The following PFKFB2 variants were observed in gnomAD, a reference collection of about 807,000 sequenced individuals.
PFKFB2 encodes 6-phosphofructo-2-kinase/fructose-2,6-bisphosphatase 2.
A neutral mutation model predicts 68.0 loss-of-function variants in PFKFB2; 53 were observed. That is an observed-to-expected ratio of 0.78 (90% confidence interval 0.63 to 0.98). The LOEUF is 0.98. Among genes scored for constraint, PFKFB2 ranks in the 50% least tolerant of loss-of-function variants. PFKFB2 has a pLI of 0.00. For synonymous variants in PFKFB2, 222 were observed against 227.6 expected (o/e 0.98, Z 0.22); for missense variants, 451 against 642.0 (o/e 0.70, Z 3.22).
chr1:207,072,787 G>A lies in PFKFB2; in HGVS notation c.*416G>A, dbSNP rs1683506679. 1 of 997,882 alleles carries A rather than the reference G, an allele frequency of 1.0e-6. No individual in the cohort carries two copies. Among genetic ancestry groups the A allele is most frequent in the Non-Finnish European group, 1.2e-6 (1 of 838,250 alleles). The allele number at this position is 997,882 out of a possible 1,614,324, so 61.8% of individuals were successfully genotyped here. On this transcript the variant is annotated 3_prime_UTR_variant, in exon 15 of 15. Coordinates refer to ENST00000367080, the MANE Select transcript of PFKFB2 (RefSeq NM_006212.2). ...CGGGTGAGCAGTCGGGGGACAAAAA[G>A]TCTATTTTTCCTTCACTTTTGTCTC...
downstream of PFKFB2, chr1:207,078,994 C>T: frequency 6.2e-7 from 1 of 1,612,100 alleles, no homozygotes; most frequent in Non-Finnish European, 8.5e-7. Context: ...CGCCCCTCCG[C>T]AGCGTCCCTC....
chr1:207,059,128 G>A (rs1372533033), intron 2 of PFKFB2, among the ~76,000 whole-genome samples: 2 of 152,332 alleles, frequency 1.3e-5, no homozygotes, highest in South Asian at 2.1e-4. Context: ...CGAGAGGTGC[G>A]TTGCTGGAGG....
Position 207,075,607 on chromosome 1 carries a change from T to A in PFKFB2, c.*3236T>A. The A allele has an allele frequency of 2.0e-6, 2 of 985,320 alleles. No individual in the cohort carries two copies. The highest frequency in any genetic ancestry group is 2.4e-6 in the Non-Finnish European group (2 of 829,840). 61.0% of individuals were successfully genotyped at this position (985,320 alleles called of 1,614,324 possible). A position where few individuals can be genotyped will look rare whatever the true frequency, so the allele number is the denominator to read the frequency against. On this transcript the variant is annotated 3_prime_UTR_variant, in exon 15 of 15. Coordinates refer to ENST00000367080, the MANE Select transcript of PFKFB2 (RefSeq NM_006212.2). ...GCTGTAAGTTTTGTTTTGTGAGAAA[T>A]AGGTAAAGACATTAGCATTTAATCT... is the stretch of plus-strand genomic sequence containing the variant.
intron 14 of PFKFB2, 31 bp downstream of exon 14, chr1:207,071,604 T>G: frequency 6.5e-7 from 1 of 1,537,324 alleles, no homozygotes; most frequent in Non-Finnish European, 9.0e-7. Context: ...AACACACCAG[T>G]TTCCCTGCCA....
At chr1:207,035,087 G>A (rs1434453801) in intron 1 of PFKFB2, 1 of 846,182 alleles carries the variant, frequency 1.2e-6, no homozygotes, top group South Asian at 5.4e-5. Context: ...GGGGGTATGT[G>A]TGTCATTGCT....
Position 207,061,153 on chromosome 1 carries a change from T to C in PFKFB2, c.86-800T>C, listed in dbSNP as rs956199592. ...TCTTTATATATATCTTTATATATAT[T>C]TATATATATCTTTATATATATATAT... is the stretch of plus-strand genomic sequence containing the variant. On this transcript the variant is annotated intron_variant, in intron 2 of 14. Coordinates refer to ENST00000367080, the MANE Select transcript of PFKFB2 (RefSeq NM_006212.2). Among the ~76,000 whole-genome samples the C allele has an allele frequency of 7.5e-4, 59 of 79,126 alleles. 1 individual carries two copies. Among genetic ancestry groups the C allele is most frequent in the African/African-American group, 2.4e-3 (49 of 20,392 alleles). 51.9% of individuals were successfully genotyped at this position (79,126 alleles called of 152,430 possible). A position where few individuals can be genotyped will look rare whatever the true frequency, so the allele number is the denominator to read the frequency against.
At chr1:207,078,009 A>T (rs560321819), downstream of PFKFB2, among the ~76,000 whole-genome samples, 3 of 152,358 alleles carry the variant, frequency 2.0e-5, no homozygotes, top group East Asian at 5.8e-4. Flanking sequence ...TAGGAAGAAC[A>T]TTATGGAAAG....
chr1:207,054,847 A>G (rs1682874749), intron 2 of PFKFB2, 45 bp downstream of exon 2: 3 of 1,298,548 alleles, frequency 2.3e-6, no homozygotes, highest in Admixed American at 1.8e-5. Flanking sequence ...TCAGCATTTT[A>G]TCTTGGGAAT....
At chr1:207,054,155 G>C (rs1275994956) in intron 1 of PFKFB2, among the ~76,000 whole-genome samples, 1 of 152,012 alleles carries the variant, frequency 6.6e-6, no homozygotes, top group Non-Finnish European at 1.5e-5. Context: ...GCCCGCCTCA[G>C]CCTCCCCAAG....
rs1683246026 is a variant in PFKFB2, at chr1:207,065,151, A to G, written c.623A>G (p.Asn208Ser). Residue 208 changes from asparagine to serine, a missense_variant, in exon 8 of 15, where the codon AAC becomes AGC. Coordinates refer to ENST00000367080, the MANE Select transcript of PFKFB2 (RefSeq NM_006212.2). ...KVTYRPLDPDNYDKDLSFIKV... is the reference protein window; with the variant it reads ...KVTYRPLDPDSYDKDLSFIKV... ...ACCTACCGACCTCTTGACCCAGACA[A>G]CTATGACAAGTAAGGTTTAAGGCCA... is the stretch of plus-strand genomic sequence containing the variant. 1.2e-6 allele frequency: 2 copies of G among 1,613,770 alleles called. No homozygotes were observed. Among genetic ancestry groups the G allele is most frequent in the South Asian group, 1.1e-5 (1 of 91,082 alleles).
At position 207,067,528 on chromosome 1, in the gene PFKFB2, T is replaced by C; in HGVS notation, c.662T>C (p.Val221Ala). ...CTTTCTTTCATCAAGGTGATAAACG[T>C]GGGCCAGCGATTTTTAGTCAACAGA... The part of the protein sequence containing the change: ...KDLSFIKVIN[V>A]GQRFLVNRVQ... Residue 221 changes from valine to alanine, a missense_variant, in exon 9 of 15, where the codon GTG becomes GCG. Transcript: ENST00000367080. 1 of 1,614,000 alleles carries C rather than the reference T, an allele frequency of 6.2e-7. No individual in the cohort carries two copies. Among genetic ancestry groups the C allele is most frequent in the Non-Finnish European group, 8.5e-7 (1 of 1,179,924 alleles).
chr1:207,075,744 TAA>T lies in PFKFB2; in HGVS notation c.*3378_*3379del. The stretch of plus-strand genomic sequence containing the variant: ...GGGCAATATAGTGAGACCTCACCTC[TAA>T]AAAAGTTTTTTATAAATTTACTTGT... On this transcript the variant is annotated 3_prime_UTR_variant, in exon 15 of 15. Coordinates refer to ENST00000367080, the MANE Select transcript of PFKFB2 (RefSeq NM_006212.2). 1.0e-6 allele frequency: 1 copy of T among 980,836 alleles called. No individual in the cohort carries two copies. 60.8% of individuals were successfully genotyped at this position (980,836 alleles called of 1,614,324 possible).
At chr1:207,058,796 A>G (rs1683003524) in intron 2 of PFKFB2, among the ~76,000 whole-genome samples, 1 of 152,152 alleles carries the variant, frequency 6.6e-6, no homozygotes, top group Admixed American at 6.5e-5. Context: ...CCCAGCCTCA[A>G]GTCTTCATTT....
At position 207,070,428 on chromosome 1, in the gene PFKFB2, C is replaced by G; in HGVS notation, c.1222+19C>G. 1 of 1,611,752 alleles carries G rather than the reference C, an allele frequency of 6.2e-7. No homozygotes were observed. The highest frequency in any genetic ancestry group is 8.5e-7 in the Non-Finnish European group (1 of 1,178,708). On this transcript the variant is annotated intron_variant, in intron 12 of 14. Transcript: ENST00000367080. The surrounding 1 kb of genome is among the most constrained non-coding windows in gnomAD (Gnocchi z 4.2). ...GGCGCAGGTGCCTTTGAGGGAGGGG[C>G]TGGGAGACACATCCAGTGGGAGAGG... is the stretch of plus-strand genomic sequence containing the variant.
intron 2 of PFKFB2, among the ~76,000 whole-genome samples, chr1:207,042,963 C>CTTAT (rs1201246340): frequency 2.3e-4 from 35 of 151,704 alleles, no homozygotes; most frequent in African/African-American, 7.7e-4. Context: ...AGAGATCTCT[C>CTTAT]GCAAGTTGAT....
At position 207,063,230 on chromosome 1, in the gene PFKFB2, C is replaced by A; in HGVS notation, c.375+21C>A. On this transcript the variant is annotated intron_variant, in intron 5 of 14. Transcript: ENST00000367080. This position sits in a 1 kb window ranked among gnomAD's most constrained non-coding sequence, Gnocchi z 4.1. ...TTGCGGTAAGCTTTATCTGCTGCTT[C>A]TTCTTTCTGGTCCCCACCCTTGCAG... 1 of 1,610,454 alleles carries A rather than the reference C, an allele frequency of 6.2e-7. No homozygotes were observed. The highest frequency in any genetic ancestry group is 8.5e-7 in the Non-Finnish European group (1 of 1,176,634).
chr1:207,068,497 C>T (rs1325974034), intron 10 of PFKFB2, among the ~76,000 whole-genome samples, 188 bp downstream of exon 10: 1 of 152,114 alleles, frequency 6.6e-6, no homozygotes, highest in African/African-American at 2.4e-5. Context: ...GGGTTTCCTG[C>T]CTGATTCAGT....
intron 8 of PFKFB2, 112 bp downstream of exon 8, chr1:207,065,272 T>TA: frequency 6.6e-7 from 1 of 1,515,466 alleles, no homozygotes; most frequent in Non-Finnish European, 8.8e-7. Flanking sequence ...TCTACAGTGT[T>TA]AACATCATCC....
intron 14 of PFKFB2, among the ~76,000 whole-genome samples, 159 bp downstream of exon 14, chr1:207,071,732 A>G (rs1186296607): frequency 8.0e-6 from 1 of 125,146 alleles, no homozygotes; most frequent in African/African-American, 2.5e-5. Context: ...TGATGTTGGA[A>G]TTATTTTTTT....
Sources: gnomAD v4.1 joint callset for allele counts (sites outside exome capture counted in the v4.1 genomes callset) on GRCh38, gnomAD v4.1.1 for gene constraint, Gnocchi (gnomAD v3.1) non-coding constraint, MANE v1.5 for transcripts, NCBI Gene and HGNC (gene_info 2026-07-23, HGNC 2026-07-21) for gene names.